Variants in SCNN1B observed in about 807,000 individuals in gnomAD.
The protein encoded by SCNN1B is sodium channel epithelial 1 subunit beta, also known as epithelial sodium channel subunit beta.
A neutral mutation model predicts 65.3 loss-of-function variants in SCNN1B; 46 were observed. The ratio of observed to expected loss-of-function variants is 0.70; its 90% CI spans 0.56 to 0.90. SCNN1B has a LOEUF of 0.90. SCNN1B is among the 40% of genes least tolerant of loss of function. The pLI, the probability that SCNN1B is intolerant of heterozygous loss-of-function variation, is 0.00. For synonymous variants in SCNN1B, 349 were observed against 330.6 expected, an observed-to-expected ratio of 1.06 and a Z score of -0.60; for missense variants, 751 against 830.5, an observed-to-expected ratio of 0.90 and a Z score of 1.18.
chr16:23,302,330 C>A lies in SCNN1B; in HGVS notation c.-116C>A. The A allele has an allele frequency of 6.4e-6, 1 of 155,804 alleles. No homozygotes were observed. The highest frequency in any genetic ancestry group is 1.8e-4 in the South Asian group (1 of 5,524). The allele number at this position is 155,804 out of a possible 1,614,324, so 9.7% of individuals were successfully genotyped here. ...CGGTCTCGCCGCGCTCGCCGGGTGT[C>A]CCAGTGTCACCAACACTCGGCCGCC... On this transcript the variant is annotated 5_prime_UTR_variant, in exon 1 of 13. Coordinates refer to ENST00000343070, the MANE Select transcript of SCNN1B (RefSeq NM_000336.3).
intron 2 of SCNN1B, among the ~76,000 whole-genome samples, chr16:23,351,238 C>A (rs1226893209): frequency 6.6e-6 from 1 of 152,196 alleles, no homozygotes; most frequent in Non-Finnish European, 1.5e-5. Flanking sequence ...TCCTTCTGGG[C>A]ACTGATCCAT....
intron 2 of SCNN1B, among the ~76,000 whole-genome samples, chr16:23,285,659 T>C (rs528654030): frequency 0.016 from 1,950 of 120,888 alleles, 39 homozygotes; most frequent in African/African-American, 0.071. Flanking sequence ...AAAACAATAA[T>C]AATAAAAAAA....
intron 4 of SCNN1B, among the ~76,000 whole-genome samples, chr16:23,367,594 G>A (rs1019647948): frequency 6.6e-5 from 10 of 152,208 alleles, no homozygotes; most frequent in Middle Eastern, 3.2e-3. Context: ...CACCACGCCC[G>A]GCCAGAAAGT....
intron 2 of SCNN1B, among the ~76,000 whole-genome samples, chr16:23,350,460 A>G (rs1962284725): frequency 6.6e-6 from 1 of 152,188 alleles, no homozygotes; most frequent in Non-Finnish European, 1.5e-5. Context: ...GTCCAAAAAC[A>G]AAAAATAAAA....
rs146440372 is a variant in SCNN1B, at chr16:23,380,438, G to A, written c.1560G>A (p.Ser520=). Residue 520 remains serine (S), a synonymous_variant, in exon 13 of 13, where the codon TCG becomes TCA. Coordinates refer to ENST00000343070, the MANE Select transcript of SCNN1B (RefSeq NM_000336.3). This position sits in a 1 kb window ranked among gnomAD's most constrained non-coding sequence, Gnocchi z 5.4. ...SAANNIVWLL[S]NLGGQFGFWM... ...CCCCACAGATCGTCTGGCTGCTCTCGAATCTGGGTGGCCAGTTTGGCTTCT... is the reference window on the plus strand; with the variant it reads ...CCCCACAGATCGTCTGGCTGCTCTCAAATCTGGGTGGCCAGTTTGGCTTCT... 5.5e-5 allele frequency: 88 copies of A among 1,614,064 alleles called. No homozygotes were observed. Among genetic ancestry groups the A allele is most frequent in the Middle Eastern group, 1.6e-4 (1 of 6,082 alleles).
At chr16:23,373,507 C>T (rs1315676050) in intron 7 of SCNN1B, among the ~76,000 whole-genome samples, 1 of 152,188 alleles carries the variant, frequency 6.6e-6, no homozygotes, top group Non-Finnish European at 1.5e-5. Flanking sequence ...CCAGAGTTAA[C>T]CCAGACCTGC....
At chr16:23,355,569 C>A (rs1418180041) in intron 4 of SCNN1B, 80 bp downstream of exon 4, 4 of 1,436,794 alleles carry the variant, frequency 2.8e-6, no homozygotes, top group Non-Finnish European at 2.9e-6. Context: ...GCACAGCCTG[C>A]CAGGGTTCCA....
At chr16:23,368,605 G>A (rs1962720408) in intron 5 of SCNN1B, among the ~76,000 whole-genome samples, 1 of 152,152 alleles carries the variant, frequency 6.6e-6, no homozygotes. Flanking sequence ...TAGCAGAGCA[G>A]AGCATTTAGT....
At chr16:23,305,913 A>G (rs915362641) in intron 1 of SCNN1B, among the ~76,000 whole-genome samples, 2 of 152,060 alleles carry the variant, frequency 1.3e-5, no homozygotes, top group African/African-American at 4.8e-5. Flanking sequence ...CGGACTCCAC[A>G]GCCAATCTCT....
chr16:23,282,525 G>T (rs1345570129), intron 1 of SCNN1B, among the ~76,000 whole-genome samples: 6 of 152,180 alleles, frequency 3.9e-5, no homozygotes, highest in Non-Finnish European at 7.3e-5. Context: ...TTATGATGGG[G>T]TTACATCCTG....
chr16:23,322,798 A>T (rs1462139176), intron 1 of SCNN1B, among the ~76,000 whole-genome samples: 1 of 152,176 alleles, frequency 6.6e-6, no homozygotes, highest in Non-Finnish European at 1.5e-5. Flanking sequence ...TGTGGAAAAT[A>T]CATGTGTATA....
chr16:23,296,057 A>G (rs1960992668), intron 2 of SCNN1B, among the ~76,000 whole-genome samples: 1 of 152,176 alleles, frequency 6.6e-6, no homozygotes, highest in Non-Finnish European at 1.5e-5. Flanking sequence ...AAAACTGCCA[A>G]GCTTGGTAGT....
chr16:23,326,453 T>C (rs1961699004), intron 1 of SCNN1B, among the ~76,000 whole-genome samples: 1 of 152,136 alleles, frequency 6.6e-6, no homozygotes, highest in South Asian at 2.1e-4. Flanking sequence ...ATGGTTTTTT[T>C]GTTTTTTGTT....
chr16:23,318,218 G>A (rs183922546), intron 1 of SCNN1B, among the ~76,000 whole-genome samples: 24 of 152,244 alleles, frequency 1.6e-4, no homozygotes, highest in Admixed American at 7.2e-4. Flanking sequence ...AAACAGACAC[G>A]GTTTCAATTT....
chr16:23,281,340 G>A (rs1960781128), intron 1 of SCNN1B, among the ~76,000 whole-genome samples: 1 of 152,180 alleles, frequency 6.6e-6, no homozygotes, highest in African/African-American at 2.4e-5. Flanking sequence ...GGCTGAGGCA[G>A]GAGAATCACT....
At chr16:23,317,257 C>T (rs1163057825) in intron 1 of SCNN1B, among the ~76,000 whole-genome samples, 1 of 152,170 alleles carries the variant, frequency 6.6e-6, no homozygotes. Context: ...CCTGTGAGGC[C>T]CTGGCACAGG....
chr16:23,369,531 G>A (rs2142037472), intron 5 of SCNN1B, among the ~76,000 whole-genome samples: 1 of 152,278 alleles, frequency 6.6e-6, no homozygotes, highest in Non-Finnish European at 1.5e-5. Flanking sequence ...GGTGGACTCA[G>A]GCTGGCTGTG....
chr16:23,283,333 C>CCCAAGA (rs1960807837), intron 1 of SCNN1B, among the ~76,000 whole-genome samples: 2 of 152,208 alleles, frequency 1.3e-5, no homozygotes, highest in African/African-American at 4.8e-5. Flanking sequence ...ATCTCTTGAA[C>CCCAAGA]TCGAGAGGCA....
intron 1 of SCNN1B, among the ~76,000 whole-genome samples, chr16:23,332,462 G>T (rs1489126673): frequency 6.6e-6 from 1 of 152,048 alleles, no homozygotes; most frequent in Non-Finnish European, 1.5e-5. Flanking sequence ...CTCCCAAAGT[G>T]CTGGGATTAC....
Sources: allele counts gnomAD v4.1 joint callset (sites outside exome capture counted in the v4.1 genomes callset), GRCh38; gene constraint gnomAD v4.1.1; non-coding constraint Gnocchi (gnomAD v3.1); transcripts MANE v1.5; gene names NCBI Gene and HGNC (gene_info 2026-07-23, HGNC 2026-07-21).